The following KCNH7 variants were observed in gnomAD, a reference collection of about 807,000 sequenced individuals.
The protein encoded by KCNH7 is potassium voltage-gated channel subfamily H member 7.
KCNH7 carries 49 observed loss-of-function variants against 120.8 expected under a neutral mutation model. The ratio of observed to expected loss-of-function variants is 0.41; its 90% CI spans 0.32 to 0.51. The LOEUF is 0.51. Among genes scored for constraint, KCNH7 ranks in the 20% least tolerant of loss-of-function variants. The probability of loss-of-function intolerance (pLI) is 0.38; values close to 1 mark genes in which losing one functional copy is unlikely to be tolerated. For missense variants in KCNH7, 1,097 were observed against 1,446.6 expected (o/e 0.76, Z 3.92); for synonymous variants, 547 against 516.1 (o/e 1.06, Z -0.81).
chr2:162,467,106 G>A (rs1689334448), intron 6 of KCNH7, among the ~76,000 whole-genome samples: 1 of 152,182 alleles, frequency 6.6e-6, no homozygotes, highest in South Asian at 2.1e-4. Flanking sequence ...AAACCATACA[G>A]CCTGAAGGAT....
intron 12 of KCNH7, among the ~76,000 whole-genome samples, chr2:162,391,292 T>C (rs1016497309): frequency 7.2e-5 from 11 of 152,090 alleles, no homozygotes; most frequent in Non-Finnish European, 1.5e-4. Context: ...CTTTATATTA[T>C]GTGTATTTTT....
At chr2:162,634,112 C>A (rs1163946818) in intron 2 of KCNH7, among the ~76,000 whole-genome samples, 1 of 152,012 alleles carries the variant, frequency 6.6e-6, no homozygotes, top group Non-Finnish European at 1.5e-5. Flanking sequence ...ATCATATCTT[C>A]TACTCATAGC....
chr2:162,478,294 T>C (rs1689814084), intron 6 of KCNH7, among the ~76,000 whole-genome samples: 1 of 152,228 alleles, frequency 6.6e-6, no homozygotes. Flanking sequence ...CCCCAGTTAA[T>C]TGTTCATTAT....
chr2:162,420,909 G>A (rs1288753526), intron 9 of KCNH7, among the ~76,000 whole-genome samples: 1 of 152,068 alleles, frequency 6.6e-6, no homozygotes, highest in Non-Finnish European at 1.5e-5. Flanking sequence ...GGGATTTCAA[G>A]TGTGGTTTTG....
rs144921483 is a variant in KCNH7, at chr2:162,722,159, A to G, written c.307+114378T>C. ...AGACACTTTTTACTAAACGAACCAAAATTATTAGAAAAGAAAGTTCAAAAC... is the reference window on the plus strand; with the variant it reads ...AGACACTTTTTACTAAACGAACCAAGATTATTAGAAAAGAAAGTTCAAAAC... On this transcript the variant is annotated intron_variant, in intron 2 of 15. Transcript: ENST00000332142. Among the ~76,000 whole-genome samples the G allele has an allele frequency of 6.0e-4, 91 of 152,216 alleles. 1 individual carries two copies. The highest frequency in any genetic ancestry group is 2.2e-3 in the African/African-American group (90 of 41,552).
chr2:162,595,681 C>T (rs1186257025), intron 2 of KCNH7, among the ~76,000 whole-genome samples: 1 of 151,800 alleles, frequency 6.6e-6, no homozygotes, highest in Non-Finnish European at 1.5e-5. Context: ...ATTCACTCAC[C>T]ACTTCTATTC....
intron 14 of KCNH7, among the ~76,000 whole-genome samples, chr2:162,378,596 T>C (rs766712910): frequency 5.9e-5 from 9 of 152,238 alleles, no homozygotes; most frequent in Non-Finnish European, 1.0e-4. Flanking sequence ...GCTAGTAACC[T>C]GCCAGGCATA....
intron 6 of KCNH7, among the ~76,000 whole-genome samples, chr2:162,464,658 A>G (rs115116875): frequency 1.3e-5 from 2 of 152,132 alleles, no homozygotes; most frequent in Admixed American, 6.5e-5. Flanking sequence ...TGCTGCATTT[A>G]CTCTCTTGTC....
At chr2:162,387,245 A>G (rs1026395693) in intron 12 of KCNH7, among the ~76,000 whole-genome samples, 1 of 149,410 alleles carries the variant, frequency 6.7e-6, no homozygotes, top group African/African-American at 2.5e-5. Flanking sequence ...AGATAAATTA[A>G]AGCTTCATTT....
intron 2 of KCNH7, among the ~76,000 whole-genome samples, chr2:162,595,335 A>G (rs1694343538): frequency 1.3e-5 from 2 of 151,938 alleles, no homozygotes; most frequent in Non-Finnish European, 2.9e-5. Flanking sequence ...CCCATAATAC[A>G]AGTACCTCCA....
rs138086603 is a variant in KCNH7 at position 162,374,712 on chromosome 2, T to C, written c.3132-1050A>G. Among the ~76,000 whole-genome samples, 245 of 152,208 alleles carry C rather than the reference T, an allele frequency of 1.6e-3. 1 individual carries two copies. The highest frequency in any genetic ancestry group is 5.3e-3 in the African/African-American group (222 of 41,512). On this transcript the variant is annotated intron_variant, in intron 14 of 15. Transcript: ENST00000332142. ...ACCTGGAAAACATGAGAAAATATCT[T>C]CTTTTTTTTTTAGTTTTTGATATTA... is the stretch of plus-strand genomic sequence containing the variant.
chr2:162,534,768 T>A (rs1156440235), intron 3 of KCNH7, among the ~76,000 whole-genome samples: 1 of 151,730 alleles, frequency 6.6e-6, no homozygotes, highest in Non-Finnish European at 1.5e-5. Context: ...GGAATTATAA[T>A]ATTGATACCA....
chr2:162,513,822 A>G (rs553798954), intron 4 of KCNH7, among the ~76,000 whole-genome samples: 5 of 151,946 alleles, frequency 3.3e-5, no homozygotes, highest in African/African-American at 4.8e-5. Context: ...AAATGTAAAC[A>G]TTTTTGTTAA....
intron 2 of KCNH7, among the ~76,000 whole-genome samples, chr2:162,705,725 A>T (rs969995379): frequency 1.3e-5 from 2 of 152,126 alleles, no homozygotes; most frequent in African/African-American, 4.8e-5. Flanking sequence ...GTAGTTTCAG[A>T]TAGCCTTTAC....
intron 2 of KCNH7, among the ~76,000 whole-genome samples, chr2:162,589,654 T>C (rs938594543): frequency 5.3e-5 from 8 of 152,056 alleles, no homozygotes; most frequent in South Asian, 2.1e-4. Context: ...AGCTTCATCA[T>C]GCATTTCATG....
At chr2:162,468,023 A>G (rs1032225690) in intron 6 of KCNH7, among the ~76,000 whole-genome samples, 4 of 152,202 alleles carry the variant, frequency 2.6e-5, no homozygotes, top group African/African-American at 7.2e-5. Flanking sequence ...AGTAGGGTTC[A>G]TCATAGGAAT....
intron 2 of KCNH7, among the ~76,000 whole-genome samples, chr2:162,736,456 A>G (rs1687913350): frequency 6.6e-6 from 1 of 152,158 alleles, no homozygotes; most frequent in Non-Finnish European, 1.5e-5. Flanking sequence ...TTTAAGGAAG[A>G]GTGTTTTGTA....
intron 2 of KCNH7, among the ~76,000 whole-genome samples, chr2:162,644,161 GA>G (rs1172630170): frequency 6.6e-6 from 1 of 150,864 alleles, no homozygotes; most frequent in African/African-American, 2.4e-5. Flanking sequence ...TGGACTTGAG[GA>G]AAAGACTGCG....
At chr2:162,384,981 CAATT>C in intron 12 of KCNH7, 42 bp from the exon 13 acceptor site, 1 of 1,517,936 alleles carries the variant, frequency 6.6e-7, no homozygotes, top group South Asian at 1.2e-5. Context: ...TTATAGCAGA[CAATT>C]AAATGTGAGA....
Sources: allele counts gnomAD v4.1 joint callset (sites outside exome capture counted in the v4.1 genomes callset), GRCh38; gene constraint gnomAD v4.1.1; transcripts MANE v1.5; gene names NCBI Gene and HGNC (gene_info 2026-07-23, HGNC 2026-07-21).